The following LRSAM1 variants were observed in gnomAD, a reference collection of about 807,000 sequenced individuals.
LRSAM1 encodes the protein leucine rich repeat and sterile alpha motif containing 1, also known as E3 ubiquitin-protein ligase LRSAM1.
In LRSAM1, 96 loss-of-function variants were observed where a neutral mutation model predicts 118.1. That is an observed-to-expected ratio of 0.81 (90% CI 0.69 to 0.96). The LOEUF is 0.96. LRSAM1 is among the 40% of genes least tolerant of loss of function. The pLI is 0.00. For synonymous variants in LRSAM1, 322 were observed against 364.2 expected (o/e 0.88, Z 1.32); for missense variants, 804 against 915.5 (o/e 0.88, Z 1.57).
intron 6 of LRSAM1, 32 bp from the exon 7 acceptor site, chr9:127,458,971 C>A: frequency 6.2e-7 from 1 of 1,611,910 alleles, no homozygotes; most frequent in Non-Finnish European, 8.5e-7. Flanking sequence ...GACTTTCTCA[C>A]TTGGAGACTC....
chr9:127,468,885 A>G (rs1835063406), intron 10 of LRSAM1, among the ~76,000 whole-genome samples: 1 of 149,094 alleles, frequency 6.7e-6, no homozygotes, highest in East Asian at 2.0e-4. Context: ...GCTACTTGGG[A>G]GGCTGAGGTG....
intron 9 of LRSAM1, among the ~76,000 whole-genome samples, chr9:127,463,263 A>C (rs1834816817): frequency 6.7e-6 from 1 of 149,926 alleles, no homozygotes; most frequent in Non-Finnish European, 1.5e-5. Flanking sequence ...CAGGTGCAGG[A>C]GGCAGGTGGT....
intron 20 of LRSAM1, 68 bp downstream of exon 20, chr9:127,491,363 C>A: frequency 2.4e-6 from 3 of 1,261,634 alleles, no homozygotes; most frequent in Non-Finnish European, 3.5e-6. Flanking sequence ...TCCCTCCCAG[C>A]CTCTGGCAGC....
intron 7 of LRSAM1, among the ~76,000 whole-genome samples, chr9:127,460,542 C>T (rs984497212): frequency 6.6e-6 from 1 of 152,228 alleles, no homozygotes; most frequent in Non-Finnish European, 1.5e-5. Context: ...CCCCTTCTCC[C>T]TCCTTCCCTG....
intron 10 of LRSAM1, among the ~76,000 whole-genome samples, chr9:127,473,430 C>T (rs1458818764): frequency 2.0e-5 from 3 of 152,208 alleles, no homozygotes; most frequent in African/African-American, 4.8e-5. Flanking sequence ...GGCAAAACCA[C>T]ACATGGCCAG....
chr9:127,501,467 C>G (rs1251196052), intron 25 of LRSAM1, among the ~76,000 whole-genome samples: 1 of 152,178 alleles, frequency 6.6e-6, no homozygotes, highest in Non-Finnish European at 1.5e-5. Context: ...CATGGTGGCT[C>G]ACGCCTGTAA....
At chr9:127,468,486 T>G (rs1346117243) in intron 10 of LRSAM1, among the ~76,000 whole-genome samples, 1 of 152,104 alleles carries the variant, frequency 6.6e-6, no homozygotes, top group Non-Finnish European at 1.5e-5. Flanking sequence ...GTGGTTCTGG[T>G]CACCTGTGGG....
chr9:127,485,861 G>T (rs372970231), intron 17 of LRSAM1, 26 bp downstream of exon 17: 19 of 1,608,362 alleles, frequency 1.2e-5, no homozygotes, highest in Non-Finnish European at 1.5e-5. Context: ...GGAGTCCCAG[G>T]TGAGGGAGCT....
chr9:127,458,628 G>A lies in LRSAM1; in HGVS notation c.253-375G>A, dbSNP rs192265012. On this transcript the variant is annotated intron_variant, in intron 6 of 25. Coordinates refer to ENST00000300417, the MANE Select transcript of LRSAM1 (RefSeq NM_001005373.4). The stretch of plus-strand genomic sequence containing the variant: ...ATTAAATTAAAAATTAGCAAGTACA[G>A]TTAAGCAAAGGGGGAAACATCTATA... 1.4e-3 allele frequency among the ~76,000 whole-genome samples: 210 copies of A among 152,210 alleles called. 3 individuals are homozygous for A. The highest frequency in any genetic ancestry group is 1.8e-3 in the Non-Finnish European group (123 of 68,006).
At position 127,455,620 on chromosome 9, in the gene LRSAM1, G is replaced by A; in HGVS notation, c.174G>A (p.Lys58=). ...AFATCKVLQK[K]VLIVHTNHLT... ...CAACATGCAAAGTTCTGCAGAAGAA[G>A]GTAAGATGGAGCTTCATCTTCAGAG... Residue 58 remains lysine (K), a splice_region_variant and synonymous_variant, in exon 5 of 26, where the codon AAG becomes AAA. Coordinates refer to ENST00000300417, the MANE Select transcript of LRSAM1 (RefSeq NM_001005373.4). The A allele has an allele frequency of 1.9e-6, 3 of 1,613,640 alleles. No homozygotes were observed. The highest frequency in any genetic ancestry group is 2.5e-6 in the Non-Finnish European group (3 of 1,179,970).
chr9:127,485,932 C>A, intron 17 of LRSAM1, 97 bp downstream of exon 17: 1 of 1,131,336 alleles, frequency 8.8e-7, no homozygotes, highest in Non-Finnish European at 1.3e-6. Context: ...ACCTCCCGCC[C>A]TGGGCCACCC....
At chr9:127,457,526 G>A (rs1012818848) in intron 6 of LRSAM1, 133 bp downstream of exon 6, 1 of 848,732 alleles carries the variant, frequency 1.2e-6, no homozygotes, top group Non-Finnish European at 1.9e-6. Flanking sequence ...GATTTGATCA[G>A]TATGGTTTAC....
chr9:127,492,756 C>T (rs372711801), intron 20 of LRSAM1, 46 bp from the exon 21 acceptor site: 42 of 1,578,138 alleles, frequency 2.7e-5, no homozygotes, highest in Non-Finnish European at 3.1e-5. Flanking sequence ...GGGACTCCTG[C>T]GCTGCCGCCA....
chr9:127,471,713 T>C (rs952502171), intron 10 of LRSAM1, among the ~76,000 whole-genome samples: 5 of 145,502 alleles, frequency 3.4e-5, no homozygotes, highest in African/African-American at 1.3e-4. Context: ...CTTGAACCCA[T>C]GAGGCAGAGG....
chr9:127,493,095 T>G, intron 21 of LRSAM1, among the ~76,000 whole-genome samples, 198 bp downstream of exon 21: 1 of 152,230 alleles, frequency 6.6e-6, no homozygotes, highest in East Asian at 1.9e-4. Context: ...AGGGTCTCAC[T>G]CTGTCGCCCA....
At chr9:127,451,690 C>A in intron 1 of LRSAM1, 21 bp downstream of exon 1, 1 of 284,232 alleles carries the variant, frequency 3.5e-6, no homozygotes, top group South Asian at 5.5e-5. Flanking sequence ...CCCCGGTCCC[C>A]GTCACCCAAT....
intron 14 of LRSAM1, 49 bp from the exon 15 acceptor site, chr9:127,481,133 GA>G: frequency 6.2e-7 from 1 of 1,608,630 alleles, no homozygotes; most frequent in Non-Finnish European, 8.5e-7. Flanking sequence ...AGTGAGACAG[GA>G]AACAGGCCTG....
chr9:127,476,855 T>G (rs575614628), intron 11 of LRSAM1, among the ~76,000 whole-genome samples: 3 of 152,158 alleles, frequency 2.0e-5, no homozygotes, highest in East Asian at 1.9e-4. Context: ...TTGCATTTTG[T>G]TAGTAGAGAC....
intron 10 of LRSAM1, chr9:127,470,980 A>C (rs1835144389): frequency 6.6e-6 from 1 of 151,874 alleles, no homozygotes; most frequent in South Asian, 2.1e-4. Flanking sequence ...GCACTTGACT[A>C]ATCTTAAAAA....
Sources: allele counts gnomAD v4.1 joint callset (sites outside exome capture counted in the v4.1 genomes callset), GRCh38; gene constraint gnomAD v4.1.1; transcripts MANE v1.5; gene names NCBI Gene and HGNC (gene_info 2026-07-23, HGNC 2026-07-21).